RNF123: variants seen among roughly 807,000 people sequenced by gnomAD.
RNF123 encodes E3 ubiquitin-protein ligase RNF123.
RNF123 carries 86 observed loss-of-function variants against 168.5 expected under a neutral mutation model. The ratio of observed to expected loss-of-function variants is 0.51; its 90% CI spans 0.43 to 0.61. The LOEUF is 0.61. Among genes scored for constraint, RNF123 ranks in the 20% least tolerant of loss-of-function variants. The pLI is 0.00. For synonymous variants in RNF123, 666 were observed against 689.1 expected, an observed-to-expected ratio of 0.97 and a Z score of 0.52; for missense variants, 1,419 against 1,729.7, an observed-to-expected ratio of 0.82 and a Z score of 3.19.
Position 49,714,101 on chromosome 3 carries a change from C to T in RNF123, c.2937C>T (p.Phe979=), listed in dbSNP as rs772267797. ...ILVRLWRGCG[F]GYRYTRLPHL... is the part of the protein sequence containing the mutation. ...CCCCACCTCCACAGGGCTGTGGCTT[C>T]GGGTACCGCTATACACGGCTGCCAC... The change falls in exon 31 of 39, where the codon TTC becomes TTT. Residue 979 remains phenylalanine, a synonymous_variant. Transcript: ENST00000327697. 4 of 1,613,966 alleles carry T rather than the reference C, an allele frequency of 2.5e-6. No individual in the cohort carries two copies. Among genetic ancestry groups the T allele is most frequent in the East Asian group, 2.2e-5 (1 of 44,894 alleles).
rs1463064262 is a variant in RNF123, at chr3:49,720,889, T to C, written c.3733T>C (p.Ser1245Pro). The change falls in exon 37 of 39, where the codon TCC becomes CCC. Residue 1245 changes from serine (S) to proline (P), a missense_variant. Physicochemically the swap from Ser to Pro is moderately conservative, Grantham distance 74. This residue lies in a region of RNF123 where 164 missense variants were observed against 152.3 expected (regional missense o/e 1.08). Transcript: ENST00000327697. The stretch of plus-strand genomic sequence containing the variant: ...TGCATCTGCCCAGGCAGCAGCTGCC[T>C]CCCTGGTGAGTGGGAACACGGTGCA... ...TSASAQAAAA[S>P]LPTSEEDLCP... 6.2e-7 allele frequency: 1 copy of C among 1,614,074 alleles called. No homozygotes were observed. The highest frequency in any genetic ancestry group is 1.7e-5 in the Admixed American group (1 of 60,012).
Position 49,721,245 on chromosome 3 carries a change from C to G in RNF123, c.3885C>G (p.Ile1295Met). 1 of 1,614,222 alleles carries G rather than the reference C, an allele frequency of 6.2e-7. No homozygotes were observed. The highest frequency in any genetic ancestry group is 8.5e-7 in the Non-Finnish European group (1 of 1,180,020). Residue 1295 changes from isoleucine (I) to methionine (M), a missense_variant, in exon 39 of 39, where the codon ATC becomes ATG. Physicochemically the swap from Ile to Met is conservative, Grantham distance 10 (BLOSUM62 1). Around this residue, in one of 5 missense-constraint regions of RNF123, gnomAD observed 50 missense variants for 77.2 expected, o/e 0.65. Coordinates refer to ENST00000327697, the MANE Select transcript of RNF123 (RefSeq NM_022064.5). ...ACTGCTTCTTCTGCAAAACCACCATCGTGTCTGTAGAGGACTGGGAGAAGG... is the reference window on the plus strand; with the variant it reads ...ACTGCTTCTTCTGCAAAACCACCATGGTGTCTGTAGAGGACTGGGAGAAGG... ...NKDCFFCKTT[I>M]VSVEDWEKGA...
Position 49,705,181 on chromosome 3 carries a change from C to T in RNF123, c.2157C>T (p.Asp719=), listed in dbSNP as rs1235863005. 1 of 1,599,382 alleles carries T rather than the reference C, an allele frequency of 6.3e-7. No homozygotes were observed. The highest frequency in any genetic ancestry group is 1.7e-5 in the Admixed American group (1 of 58,030). The change falls in exon 23 of 39, where the codon GAC becomes GAT. Residue 719 remains aspartate (D), a splice_region_variant and synonymous_variant. Transcript: ENST00000327697. ...TLSVEQRTRE[D]IEGSHWNEGL... ...GCGTGGAGCAGAGGACCCGTGAGGA[C>T]AGTAGGTGCTTGGTGGGGTCAGGCA...
At chr3:49,714,318 G>A in intron 31 of RNF123, 144 bp downstream of exon 31, 1 of 718,002 alleles carries the variant, frequency 1.4e-6, no homozygotes, top group Non-Finnish European at 2.4e-6. Flanking sequence ...GTCCCCTGGG[G>A]TTTCCACTTT....
At chr3:49,713,189 T>C in intron 27 of RNF123, 1 of 590,370 alleles carries the variant, frequency 1.7e-6, no homozygotes. Flanking sequence ...GCCACAGGCC[T>C]CAGTGCAGGC....
chr3:49,718,674 G>C (rs1173115130), intron 35 of RNF123: 1 of 1,613,018 alleles, frequency 6.2e-7, no homozygotes. Context: ...GGCTGTGCTG[G>C]AAGAAGCGCA....
At position 49,701,483 on chromosome 3, in the gene RNF123, C is replaced by T; in HGVS notation, c.1278-8C>T. 1 of 1,611,404 alleles carries T rather than the reference C, an allele frequency of 6.2e-7. No individual in the cohort carries two copies. Among genetic ancestry groups the T allele is most frequent in the Non-Finnish European group, 8.5e-7 (1 of 1,177,966 alleles). On this transcript the variant is annotated splice_polypyrimidine_tract_variant and splice_region_variant and intron_variant, in intron 15 of 38. Transcript: ENST00000327697. ...TGGCAAGCAGAGCCCTGCCTTGACACCCGCCAGCTTCGACGTGCTCCGCTC... is the reference window on the plus strand; with the variant it reads ...TGGCAAGCAGAGCCCTGCCTTGACATCCGCCAGCTTCGACGTGCTCCGCTC...
Position 49,721,484 on chromosome 3 carries a change from A to T in RNF123, c.*179A>T. 1 of 926,348 alleles carries T rather than the reference A, an allele frequency of 1.1e-6. No homozygotes were observed. Among genetic ancestry groups the T allele is most frequent in the Middle Eastern group, 2.1e-4 (1 of 4,778 alleles). 57.4% of individuals were successfully genotyped at this position (926,348 alleles called of 1,614,324 possible). A position where few individuals can be genotyped will look rare whatever the true frequency, so the allele number is the denominator to read the frequency against. On this transcript the variant is annotated 3_prime_UTR_variant, in exon 39 of 39. Coordinates refer to ENST00000327697, the MANE Select transcript of RNF123 (RefSeq NM_022064.5). ...ATGGCCCTAATTGTGCCTGAGCTTGACTTTCAGTCAGGGCCACAGTGAGCA... is the reference window on the plus strand; with the variant it reads ...ATGGCCCTAATTGTGCCTGAGCTTGTCTTTCAGTCAGGGCCACAGTGAGCA...
Position 49,698,997 on chromosome 3 carries a change from G to A in RNF123, c.656G>A (p.Gly219Asp). Residue 219 changes from glycine to aspartate, a missense_variant, in exon 10 of 39, where the codon GGC becomes GAC. By Grantham distance (94) the Gly-to-Asp change is moderately conservative (BLOSUM62 -1). Coordinates refer to ENST00000327697, the MANE Select transcript of RNF123 (RefSeq NM_022064.5). ...LSFCLNGVSL[G>D]TAFENLSRGL... Reference sequence around the variant, plus strand: ...CTCCCCAGGAACGGTGTATCACTGGGCACTGCCTTTGAGAACCTGTCCAGG... The same window carrying A: ...CTCCCCAGGAACGGTGTATCACTGGACACTGCCTTTGAGAACCTGTCCAGG... 1 of 1,613,988 alleles carries A rather than the reference G, an allele frequency of 6.2e-7. No individual in the cohort carries two copies. Among genetic ancestry groups the A allele is most frequent in the Non-Finnish European group, 8.5e-7 (1 of 1,180,022 alleles).
Position 49,705,084 on chromosome 3 carries a change from C to T in RNF123, c.2060C>T (p.Thr687Ile), listed in dbSNP as rs1420185137. ...GGCCGAGCCAACCGCTTCCTCAGCA[C>T]AGCGGCTGTGAGCCTCATGACCCCA... ...TLGRANRFLSTAAVSLMTPRR... is the reference protein window; with the variant it reads ...TLGRANRFLSIAAVSLMTPRR... Residue 687 changes from threonine to isoleucine, a missense_variant, in exon 23 of 39, where the codon ACA (threonine) becomes ATA (isoleucine). Coordinates refer to ENST00000327697, the MANE Select transcript of RNF123 (RefSeq NM_022064.5). 1.9e-6 allele frequency: 3 copies of T among 1,612,038 alleles called. No homozygotes were observed. Among genetic ancestry groups the T allele is most frequent in the Non-Finnish European group, 2.5e-6 (3 of 1,179,180 alleles).
At chr3:49,691,327 C>T (rs1188180680) in intron 2 of RNF123, 80 bp downstream of exon 2, 34 of 1,585,198 alleles carry the variant, frequency 2.1e-5, no homozygotes, top group Non-Finnish European at 2.9e-5. Context: ...CCTTGCTGCA[C>T]CTGTGGCTGG....
chr3:49,713,612 A>AG (rs1365109925), intron 28 of RNF123, 25 bp downstream of exon 28: 1 of 1,605,284 alleles, frequency 6.2e-7, no homozygotes, highest in Non-Finnish European at 8.5e-7. Flanking sequence ...CAGAGGGTAC[A>AG]GGGGGAGGGG....
At chr3:49,707,734 C>T (rs2108192032) in intron 26 of RNF123, among the ~76,000 whole-genome samples, 1 of 152,036 alleles carries the variant, frequency 6.6e-6, no homozygotes, top group African/African-American at 2.4e-5. Flanking sequence ...AAACCCAAAC[C>T]ACCTCCACCT....
At chr3:49,696,876 C>T (rs1325975578) in intron 3 of RNF123, among the ~76,000 whole-genome samples, 1 of 151,374 alleles carries the variant, frequency 6.6e-6, no homozygotes, top group Non-Finnish European at 1.5e-5. Flanking sequence ...GAACTCCTGA[C>T]CTCAGGTGAT....
At chr3:49,712,057 TC>T (rs1380879622) in intron 26 of RNF123, among the ~76,000 whole-genome samples, 1 of 151,986 alleles carries the variant, frequency 6.6e-6, no homozygotes, top group African/African-American at 2.4e-5. Flanking sequence ...AAACCCCATC[TC>T]TACTAAAAAT....
chr3:49,710,104 G>A (rs950358032), intron 26 of RNF123, among the ~76,000 whole-genome samples: 2 of 152,078 alleles, frequency 1.3e-5, no homozygotes, highest in Non-Finnish European at 2.9e-5. Flanking sequence ...CCAAAGTGCG[G>A]GGATTATAGG....
At position 49,705,977 on chromosome 3, in the gene RNF123, T is replaced by C; in HGVS notation, c.2305-5T>C. On this transcript the variant is annotated splice_region_variant and splice_polypyrimidine_tract_variant and intron_variant, in intron 24 of 38. Transcript: ENST00000327697. ...ACTCTGGACATGTGGTCCCATGCTG[T>C]GTAGATGGTGGGTGTCTCCGATGAT... The C allele has an allele frequency of 6.2e-7, 1 of 1,613,668 alleles. No individual in the cohort carries two copies. The highest frequency in any genetic ancestry group is 8.5e-7 in the Non-Finnish European group (1 of 1,179,784).
intron 3 of RNF123, among the ~76,000 whole-genome samples, chr3:49,696,198 C>T (rs2054263673): frequency 6.6e-6 from 1 of 152,204 alleles, no homozygotes; most frequent in Admixed American, 6.5e-5. Context: ...CCTTCTTCTT[C>T]CAGACATCAT....
Position 49,703,537 on chromosome 3 carries a change from A to C in RNF123, c.1852+9A>C. ...GCGGAAGACCCTCAAAGGTGTGTACAGGCCTGTGGGCCGGGAGCAGTTCTG... is the reference window on the plus strand; with the variant it reads ...GCGGAAGACCCTCAAAGGTGTGTACCGGCCTGTGGGCCGGGAGCAGTTCTG... On this transcript the variant is annotated intron_variant, in intron 21 of 38. Coordinates refer to ENST00000327697, the MANE Select transcript of RNF123 (RefSeq NM_022064.5). The C allele has an allele frequency of 1.1e-5, 17 of 1,610,896 alleles. No individual in the cohort carries two copies. Among genetic ancestry groups the C allele is most frequent in the Non-Finnish European group, 1.4e-5 (17 of 1,177,802 alleles).
Sources: gnomAD v4.1 joint callset for allele counts (sites outside exome capture counted in the v4.1 genomes callset) on GRCh38, gnomAD v4.1.1 for gene constraint, gnomAD v4.1.1 regional missense constraint, MANE v1.5 for transcripts, NCBI Gene and HGNC (gene_info 2026-07-23, HGNC 2026-07-21) for gene names.